TFDP1: variants seen among roughly 807,000 people sequenced by gnomAD.
TFDP1 encodes the protein DRTF1-polypeptide 1.
In TFDP1, 6 loss-of-function variants were observed where a neutral mutation model predicts 48.0. The ratio of observed to expected loss-of-function variants is 0.13; its 90% CI spans 0.07 to 0.25. The LOEUF is 0.25. TFDP1 is among the 10% of genes least tolerant of loss of function. The probability of loss-of-function intolerance (pLI) is 1.00; values close to 1 mark genes in which losing one functional copy is unlikely to be tolerated. For missense variants in TFDP1, 335 were observed against 543.0 expected, an observed-to-expected ratio of 0.62 and a Z score of 3.81; for synonymous variants, 201 against 211.6, an observed-to-expected ratio of 0.95 and a Z score of 0.44.
At chr13:113,588,834 AGAGT>A (rs1187075954) in intron 2 of TFDP1, among the ~76,000 whole-genome samples, 4 of 149,082 alleles carry the variant, frequency 2.7e-5, no homozygotes, top group African/African-American at 7.5e-5. Flanking sequence ...GATTGGATGG[AGAGT>A]GAGTGGTGGT....
At chr13:113,636,215 T>G in intron 9 of TFDP1, 87 bp downstream of exon 9, 1 of 1,502,984 alleles carries the variant, frequency 6.7e-7, no homozygotes, top group African/African-American at 1.4e-5. Context: ...AGGACAAGTT[T>G]TAAATGTTGT....
intron 4 of TFDP1, among the ~76,000 whole-genome samples, chr13:113,625,304 AC>A (rs1259906244): frequency 9.3e-6 from 1 of 107,442 alleles, no homozygotes; most frequent in Non-Finnish European, 1.8e-5. Context: ...GGTGTCTCTC[AC>A]GTGTCCTCAC....
At chr13:113,617,841 A>G (rs1234349180) in intron 3 of TFDP1, among the ~76,000 whole-genome samples, 1 of 152,240 alleles carries the variant, frequency 6.6e-6, no homozygotes, top group Non-Finnish European at 1.5e-5. Flanking sequence ...TGGTTTCATA[A>G]TTTATCTTAA....
chr13:113,626,488 C>G (rs2049182613), intron 4 of TFDP1, among the ~76,000 whole-genome samples: 1 of 152,220 alleles, frequency 6.6e-6, no homozygotes, highest in East Asian at 1.9e-4. Flanking sequence ...CCCGCGCTCC[C>G]TTCCCCGCGT....
At chr13:113,602,106 G>A (rs2048447412) in intron 2 of TFDP1, among the ~76,000 whole-genome samples, 1 of 151,834 alleles carries the variant, frequency 6.6e-6, no homozygotes. Context: ...ACCCGCAGGA[G>A]TCGAGGGAGG....
At chr13:113,586,186 G>T (rs781167522) in intron 2 of TFDP1, 1 of 199,142 alleles carries the variant, frequency 5.0e-6, no homozygotes, top group Non-Finnish European at 1.0e-5. Context: ...TTGCAGCACC[G>T]CAGCGAATCC....
chr13:113,625,577 G>C (rs1566666982), intron 4 of TFDP1, among the ~76,000 whole-genome samples: 1 of 62,722 alleles, frequency 1.6e-5, no homozygotes. Context: ...CGTGTCCTCA[G>C]GTGTTTCTCA....
intron 2 of TFDP1, among the ~76,000 whole-genome samples, chr13:113,605,023 T>A (rs1371558629): frequency 6.6e-6 from 1 of 152,162 alleles, no homozygotes; most frequent in African/African-American, 2.4e-5. Flanking sequence ...CTCTTGGCTG[T>A]GTGGAGCCTC....
rs376507711 is a variant in TFDP1 at position 113,597,193 on chromosome 13, C to A, written c.12+11344C>A. 2.6e-5 allele frequency among the ~76,000 whole-genome samples: 4 copies of A among 152,168 alleles called. No homozygotes were observed. In the East Asian group the frequency reaches 7.7e-4, roughly 29 times the overall value. ...TTTTGTTAAAATGGAAATGGAAATT[C>A]TTTCTAAAAGGGAAAAGAGTATAAT... On this transcript the variant is annotated intron_variant, in intron 2 of 11. Coordinates refer to ENST00000375370, the MANE Select transcript of TFDP1 (RefSeq NM_007111.5).
intron 2 of TFDP1, 101 bp from the exon 3 acceptor site, chr13:113,610,895 A>G (rs2048693612): frequency 1.8e-6 from 2 of 1,097,076 alleles, no homozygotes; most frequent in South Asian, 1.3e-5. Context: ...CTGCCTTTTT[A>G]TGACGTTATT....
At chr13:113,591,341 CAAA>C (rs745915921) in intron 2 of TFDP1, among the ~76,000 whole-genome samples, 7 of 66,066 alleles carry the variant, frequency 1.1e-4, no homozygotes. Context: ...GACTTCATCT[CAAA>C]AAAAAAAAAA....
intron 3 of TFDP1, among the ~76,000 whole-genome samples, chr13:113,613,706 C>T (rs1484561655): frequency 2.1e-5 from 3 of 139,826 alleles, no homozygotes; most frequent in East Asian, 2.2e-4. Flanking sequence ...TGCGTGAATG[C>T]GTGGGTATGT....
At chr13:113,625,209 C>G (rs1253090838) in intron 4 of TFDP1, among the ~76,000 whole-genome samples, 25 of 107,568 alleles carry the variant, frequency 2.3e-4, no homozygotes, top group East Asian at 6.2e-4. Flanking sequence ...TTGTCCTCAG[C>G]TGTTTCTCAG....
At chr13:113,634,128 C>A in intron 7 of TFDP1, 95 bp downstream of exon 7, 1 of 1,545,836 alleles carries the variant, frequency 6.5e-7, no homozygotes, top group Non-Finnish European at 8.9e-7. Flanking sequence ...GCTCCGTGCC[C>A]TTATGCTCTC....
chr13:113,621,079 TG>T (rs995796289), intron 3 of TFDP1, among the ~76,000 whole-genome samples: 20 of 152,330 alleles, frequency 1.3e-4, no homozygotes, highest in South Asian at 6.2e-4. Context: ...GGCCCCAAAA[TG>T]AAACTTCAGA....
intron 2 of TFDP1, among the ~76,000 whole-genome samples, chr13:113,608,864 C>A (rs115246933): frequency 1.3e-5 from 2 of 152,104 alleles, no homozygotes; most frequent in Non-Finnish European, 2.9e-5. Flanking sequence ...CAGACCCACT[C>A]GCCTTTTTCT....
At chr13:113,608,209 C>T (rs1440444874) in intron 2 of TFDP1, among the ~76,000 whole-genome samples, 1 of 152,212 alleles carries the variant, frequency 6.6e-6, no homozygotes, top group Non-Finnish European at 1.5e-5. Flanking sequence ...AGGCTGCCCC[C>T]GCCAACAGAA....
intron 2 of TFDP1, among the ~76,000 whole-genome samples, chr13:113,603,179 C>A (rs1367442906): frequency 6.6e-6 from 1 of 152,190 alleles, no homozygotes; most frequent in Non-Finnish European, 1.5e-5. Context: ...AGCGTGGGGT[C>A]CAGGTGTATG....
chr13:113,625,622 TGTCCTCAGGC>T lies in TFDP1; in HGVS notation c.186+2340_186+2349del, dbSNP rs1196078040. On this transcript the variant is annotated intron_variant, in intron 4 of 11. Transcript: ENST00000375370. ...CACGTGTCTTCAGGCGTCTCTCACG[TGTCCTCAGGC>T]GTCTCTCACGTGTCCTCAGGCGTCT... Among the ~76,000 whole-genome samples, 327 of 76,552 alleles carry T rather than the reference TGTCCTCAGGC, an allele frequency of 4.3e-3. 6 individuals carry two copies. Among genetic ancestry groups the T allele is most frequent in the Non-Finnish European group, 5.2e-3 (210 of 40,576 alleles). 50.2% of individuals were successfully genotyped at this position (76,552 alleles called of 152,430 possible).
Sources: gnomAD v4.1 joint callset for allele counts (sites outside exome capture counted in the v4.1 genomes callset) on GRCh38, gnomAD v4.1.1 for gene constraint, MANE v1.5 for transcripts, NCBI Gene and HGNC (gene_info 2026-07-23, HGNC 2026-07-21) for gene names.